The following SELENOO variants were observed in gnomAD, a reference collection of about 807,000 sequenced individuals.
SELENOO encodes selenoprotein O.
SELENOO carries 74 observed loss-of-function variants against 58.7 expected under a neutral mutation model. The ratio of observed to expected loss-of-function variants is 1.26; its 90% CI spans 1.04 to 1.53. The LOEUF (loss-of-function observed/expected upper bound fraction) is 1.53, where lower values mean the gene tolerates loss of function less well. Among genes scored for constraint, SELENOO ranks in the 40% most tolerant of loss-of-function variants. The pLI, the probability that SELENOO is intolerant of heterozygous loss-of-function variation, is 0.00. For synonymous variants in SELENOO, 543 were observed against 453.2 expected (o/e 1.20, Z -2.52); for missense variants, 1,149 against 970.0 (o/e 1.18, Z -2.45).
intron 2 of SELENOO, among the ~76,000 whole-genome samples, chr22:50,207,983 G>A (rs979272566): frequency 4.0e-5 from 6 of 151,014 alleles, no homozygotes; most frequent in Non-Finnish European, 7.4e-5. Context: ...CCCGGCACGT[G>A]CCCCAGACTG....
chr22:50,210,108 G>A, intron 3 of SELENOO, 73 bp from the exon 4 acceptor site: 2 of 1,552,316 alleles, frequency 1.3e-6, no homozygotes, highest in South Asian at 1.2e-5. Flanking sequence ...TTTCAGGGAG[G>A]GGAAGGATGG....
At chr22:50,202,974 G>A (rs1312067576) in intron 1 of SELENOO, among the ~76,000 whole-genome samples, 6 of 152,200 alleles carry the variant, frequency 3.9e-5, no homozygotes, top group Admixed American at 3.3e-4. Flanking sequence ...TTCGTGGGTT[G>A]GATAACTTAA....
intron 5 of SELENOO, among the ~76,000 whole-genome samples, chr22:50,214,519 C>G (rs557526715): frequency 1.3e-4 from 20 of 152,356 alleles, no homozygotes; most frequent in Non-Finnish European, 1.5e-5. Context: ...ACTCAGGAGA[C>G]TGAGGCAGGA....
At chr22:50,208,757 T>A (rs1041355728) in intron 3 of SELENOO, 41 bp downstream of exon 3, 2 of 1,579,118 alleles carry the variant, frequency 1.3e-6, no homozygotes, top group Non-Finnish European at 1.7e-6. Context: ...GGGTGGATGC[T>A]GGGTGTCCCC....
rs956397871 is a variant in SELENOO at position 50,207,107 on chromosome 22, G to A, written c.758+587G>A. On this transcript the variant is annotated intron_variant, in intron 2 of 8. Transcript: ENST00000380903. ...CTAGGCTGGCTCCTGTCTGACGTGA[G>A]CCATCAGTTATCAGTTCTCTTTTCT... Among the ~76,000 whole-genome samples, 4 of 152,232 alleles carry A rather than the reference G, an allele frequency of 2.6e-5. No individual in the cohort carries two copies. In the South Asian group the frequency reaches 8.3e-4, roughly 32 times the overall value.
chr22:50,201,448 C>G lies in SELENOO; in HGVS notation c.412C>G (p.His138Asp). The G allele has an allele frequency of 7.2e-7, 1 of 1,398,162 alleles. No individual in the cohort carries two copies. Among genetic ancestry groups the G allele is most frequent in the Non-Finnish European group, 9.3e-7 (1 of 1,071,036 alleles). 86.6% of individuals were successfully genotyped at this position (1,398,162 alleles called of 1,614,324 possible). A position where few individuals can be genotyped will look rare whatever the true frequency, so the allele number is the denominator to read the frequency against. ...ALLPGAEPAA[H>D]CYCGHQFGQF... The stretch of plus-strand genomic sequence containing the variant: ...CCTGCCGGGCGCCGAGCCCGCCGCG[C>G]ACTGCTACTGCGGCCACCAATTCGG... Residue 138 changes from histidine (H) to aspartate (D), a missense_variant, in exon 1 of 9, where the codon CAC becomes GAC. Transcript: ENST00000380903.
Position 50,204,388 on chromosome 22 carries a change from A to G in SELENOO, c.555-1929A>G, listed in dbSNP as rs9617047. Among the ~76,000 whole-genome samples the G allele has an allele frequency of 6.8e-3, 1,030 of 152,270 alleles. 5 individuals are homozygous for G. The highest frequency in any genetic ancestry group is 0.011 in the Non-Finnish European group (753 of 68,020). On this transcript the variant is annotated intron_variant, in intron 1 of 8. Coordinates refer to ENST00000380903, the MANE Select transcript of SELENOO (RefSeq NM_031454.2). ...ACGCCTGTAATCCCAGCACTTTGGGAGGCTGAGGTGGGCGGATCATTTGAG... is the reference window on the plus strand; with the variant it reads ...ACGCCTGTAATCCCAGCACTTTGGGGGGCTGAGGTGGGCGGATCATTTGAG...
At chr22:50,216,112 G>C (rs984553059) in intron 6 of SELENOO, among the ~76,000 whole-genome samples, 11 of 152,166 alleles carry the variant, frequency 7.2e-5, no homozygotes, top group Non-Finnish European at 1.5e-4. Flanking sequence ...CTGTGGGTGG[G>C]CTTCAGAGAA....
intron 1 of SELENOO, among the ~76,000 whole-genome samples, chr22:50,204,153 C>T (rs1403095203): frequency 6.6e-6 from 1 of 152,156 alleles, no homozygotes; most frequent in East Asian, 1.9e-4. Flanking sequence ...GCACCTCATA[C>T]CCATTGGGAT....
At chr22:50,214,957 A>C (rs2064395400) in intron 5 of SELENOO, among the ~76,000 whole-genome samples, 1 of 152,238 alleles carries the variant, frequency 6.6e-6, no homozygotes, top group African/African-American at 2.4e-5. Context: ...TGGAGCGATC[A>C]GTCCATTCGC....
chr22:50,201,405 C>T lies in SELENOO; in HGVS notation c.369C>T (p.Phe123=), dbSNP rs747880975. ...AGGCCGAGGCCGAGGCCGCGCTGTT[C>T]TTCAGCGGCAACGCGCTCCTGCCGG... ...AREAEAEAAL[F]FSGNALLPGA... The change falls in exon 1 of 9, where the codon TTC becomes TTT. Residue 123 remains phenylalanine, a synonymous_variant. Transcript: ENST00000380903. 8 of 1,336,950 alleles carry T rather than the reference C, an allele frequency of 6.0e-6. No homozygotes were observed. In the South Asian group the frequency reaches 6.8e-5, roughly 11 times the overall value. The allele number at this position is 1,336,950 out of a possible 1,614,324, so 82.8% of individuals were successfully genotyped here.
intron 1 of SELENOO, among the ~76,000 whole-genome samples, chr22:50,203,821 G>A (rs917791701): frequency 1.3e-5 from 2 of 152,128 alleles, no homozygotes; most frequent in Non-Finnish European, 2.9e-5. Context: ...AAAGGCACAG[G>A]CAACTAAAGA....
chr22:50,211,847 G>A lies in SELENOO; in HGVS notation c.1351+936G>A, dbSNP rs138254804. On this transcript the variant is annotated intron_variant, in intron 5 of 8. Transcript: ENST00000380903. Reference sequence around the variant, plus strand: ...GTCTCTCAAGTAGCTGGGATTACAGGCACCCGCCACCACACCCGGCTAATT... The same window carrying A: ...GTCTCTCAAGTAGCTGGGATTACAGACACCCGCCACCACACCCGGCTAATT... 5.3e-3 allele frequency among the ~76,000 whole-genome samples: 807 copies of A among 152,268 alleles called. 2 individuals carry two copies. The highest frequency in any genetic ancestry group is 7.9e-3 in the Non-Finnish European group (539 of 68,026).
chr22:50,204,847 A>G (rs1442207018), intron 1 of SELENOO, among the ~76,000 whole-genome samples: 1 of 152,258 alleles, frequency 6.6e-6, no homozygotes, highest in South Asian at 2.1e-4. Flanking sequence ...AAAAGGCAGA[A>G]CAAGTGTCTA....
At chr22:50,208,505 G>A in intron 2 of SELENOO, 31 bp from the exon 3 acceptor site, 1 of 1,603,000 alleles carries the variant, frequency 6.2e-7, no homozygotes, top group Non-Finnish European at 8.5e-7. Context: ...GGTCAGGTTT[G>A]GGCTGTTGAC....
intron 5 of SELENOO, among the ~76,000 whole-genome samples, chr22:50,214,966 G>A (rs575167100): frequency 4.6e-5 from 7 of 152,318 alleles, no homozygotes; most frequent in South Asian, 2.1e-4. Context: ...CAGTCCATTC[G>A]CTTTCAAAGC....
At chr22:50,206,892 T>TGG (rs58610841) in intron 2 of SELENOO, among the ~76,000 whole-genome samples, 3 of 151,868 alleles carry the variant, frequency 2.0e-5, no homozygotes, top group Non-Finnish European at 2.9e-5. Context: ...CTGGTGCTTC[T>TGG]GGGGGGGAGG....
Position 50,215,787 on chromosome 22 carries a change from G to A in SELENOO, c.1422G>A (p.Ala474=), listed in dbSNP as rs748447547. 20 of 1,612,558 alleles carry A rather than the reference G, an allele frequency of 1.2e-5. No homozygotes were observed. The highest frequency in any genetic ancestry group is 2.2e-5 in the East Asian group (1 of 44,886). The change falls in exon 6 of 9, where the codon GCG becomes GCA. Residue 474 remains alanine, a synonymous_variant. Transcript: ENST00000380903. ...TGGAGCTAGAGTCGCCAGGCCTGGC[G>A]GAATTCCTGGCCAGGCTGATGGAGC... ...FPVELESPGL[A]EFLARLMEQC...
chr22:50,217,320 G>GT lies in SELENOO; in HGVS notation c.1962dup (p.Lys655Ter), dbSNP rs747431175. On this transcript the variant is annotated frameshift_variant, in exon 9 of 9. Coordinates refer to ENST00000380903, the MANE Select transcript of SELENOO (RefSeq NM_031454.2). LOFTEE classifies it high-confidence loss of function. ...GACGGCAGGCAGCGCTCCTACAGCA[G>GT]TAAGCCCCCGCTCTGGGCAGCAGAA... 121 of 1,612,806 alleles carry GT rather than the reference G, an allele frequency of 7.5e-5. No homozygotes were observed. The highest frequency in any genetic ancestry group is 9.9e-5 in the Non-Finnish European group (117 of 1,179,950).
Sources: allele counts gnomAD v4.1 joint callset (sites outside exome capture counted in the v4.1 genomes callset), GRCh38; gene constraint gnomAD v4.1.1; transcripts MANE v1.5; gene names NCBI Gene and HGNC (gene_info 2026-07-23, HGNC 2026-07-21).